SAMHD1: variants seen among roughly 807,000 people sequenced by gnomAD.
SAMHD1 encodes deoxynucleoside triphosphate triphosphohydrolase SAMHD1.
In SAMHD1, 54 loss-of-function variants were observed where a neutral mutation model predicts 79.6. The ratio of observed to expected loss-of-function variants is 0.68; its 90% CI spans 0.55 to 0.85. The LOEUF (loss-of-function observed/expected upper bound fraction) is 0.85, where lower values mean the gene tolerates loss of function less well. Among genes scored for constraint, SAMHD1 ranks in the 40% least tolerant of loss-of-function variants. The pLI is 0.00. For synonymous variants in SAMHD1, 260 were observed against 264.1 expected, an observed-to-expected ratio of 0.98 and a Z score of 0.15; for missense variants, 663 against 782.7, an observed-to-expected ratio of 0.85 and a Z score of 1.82.
intron 1 of SAMHD1, among the ~76,000 whole-genome samples, chr20:36,949,035 C>T (rs1019208732): frequency 6.6e-6 from 1 of 151,198 alleles, no homozygotes; most frequent in African/African-American, 2.4e-5. Flanking sequence ...GAGGCAGAGG[C>T]GGATGCATCA....
intron 15 of SAMHD1, chr20:36,893,349 A>ACCT: frequency 2.0e-6 from 1 of 489,914 alleles, no homozygotes; most frequent in East Asian, 3.8e-5. Context: ...TCCTTCACAC[A>ACCT]CCTTCACGGA....
At position 36,892,215 on chromosome 20, in the gene SAMHD1, C is replaced by G. The variant is rs1990092783; in HGVS notation, c.*717G>C. ...CCCCAAAACCTAATCAGGCCTCTCA[C>G]CAGCGTGTTGGAGGCCACTCCTGGC... On this transcript the variant is annotated 3_prime_UTR_variant, in exon 16 of 16. Coordinates refer to ENST00000646673, the MANE Select transcript of SAMHD1 (RefSeq NM_015474.4). The G allele has an allele frequency of 1.3e-5, 2 of 153,210 alleles. No homozygotes were observed. Among genetic ancestry groups the G allele is most frequent in the Admixed American group, 6.5e-5 (1 of 15,352 alleles). 9.5% of individuals were successfully genotyped at this position (153,210 alleles called of 1,614,324 possible).
At position 36,892,864 on chromosome 20, in the gene SAMHD1, T is replaced by G; in HGVS notation, c.*68A>C. 1 of 1,592,078 alleles carries G rather than the reference T, an allele frequency of 6.3e-7. No homozygotes were observed. Among genetic ancestry groups the G allele is most frequent in the Non-Finnish European group, 8.6e-7 (1 of 1,159,944 alleles). ...CATGAGTTGTCATTAATTTGCAGAA[T>G]TCTATGATTGAAGCCTCTAAATGAA... On this transcript the variant is annotated 3_prime_UTR_variant, in exon 16 of 16. Transcript: ENST00000646673.
chr20:36,905,917 G>A (rs956868586), intron 11 of SAMHD1, among the ~76,000 whole-genome samples: 3 of 151,726 alleles, frequency 2.0e-5, no homozygotes, highest in Non-Finnish European at 2.9e-5. Context: ...AGGTTACGGT[G>A]AGCCAAGATT....
At chr20:36,912,701 A>G (rs2063448449) in intron 9 of SAMHD1, 149 bp from the exon 10 acceptor site, 1 of 615,494 alleles carries the variant, frequency 1.6e-6, no homozygotes, top group African/African-American at 1.8e-5. Flanking sequence ...TGACCCCACT[A>G]AAAAATGAGG....
intron 7 of SAMHD1, 55 bp from the exon 8 acceptor site, chr20:36,917,104 T>C: frequency 8.7e-7 from 1 of 1,154,228 alleles, no homozygotes; most frequent in South Asian, 1.2e-5. Context: ...AATCTATTTA[T>C]AAACAAAGCA....
At chr20:36,930,597 T>C (rs1430064361) in intron 5 of SAMHD1, among the ~76,000 whole-genome samples, 163 bp downstream of exon 5, 1 of 152,184 alleles carries the variant, frequency 6.6e-6, no homozygotes, top group Non-Finnish European at 1.5e-5. Context: ...TTTCTACTTA[T>C]GAATCATTCT....
At chr20:36,940,834 G>A (rs1463878632) in intron 3 of SAMHD1, 2 of 597,918 alleles carry the variant, frequency 3.3e-6, no homozygotes, top group African/African-American at 1.9e-5. Context: ...ATGCTTTTCT[G>A]TATGCTTAAA....
chr20:36,897,217 G>A (rs1377745237), intron 15 of SAMHD1, among the ~76,000 whole-genome samples: 2 of 152,216 alleles, frequency 1.3e-5, no homozygotes, highest in African/African-American at 4.8e-5. Flanking sequence ...AGACTAGGCA[G>A]TAAAGCACTG....
intron 11 of SAMHD1, among the ~76,000 whole-genome samples, chr20:36,909,738 T>A (rs1262534062): frequency 6.6e-6 from 1 of 151,402 alleles, no homozygotes; most frequent in Non-Finnish European, 1.5e-5. Context: ...TCTTTCCTCC[T>A]TTCCACACTA....
intron 11 of SAMHD1, among the ~76,000 whole-genome samples, chr20:36,907,038 C>T (rs913163303): frequency 3.1e-4 from 47 of 151,686 alleles, no homozygotes; most frequent in African/African-American, 1.1e-3. Context: ...GTGATCCACC[C>T]GCCTCAGCCT....
chr20:36,895,307 T>C (rs567692824), intron 15 of SAMHD1, among the ~76,000 whole-genome samples: 53 of 151,850 alleles, frequency 3.5e-4, no homozygotes, highest in Non-Finnish European at 6.5e-4. Flanking sequence ...TGCCAGCCCT[T>C]AACCCAGACA....
intron 11 of SAMHD1, among the ~76,000 whole-genome samples, chr20:36,906,116 A>T (rs1334726942): frequency 6.6e-6 from 1 of 152,166 alleles, no homozygotes; most frequent in Non-Finnish European, 1.5e-5. Context: ...GTATGGATTT[A>T]TTGTTGACAT....
chr20:36,904,999 T>G (rs2063397097), intron 12 of SAMHD1: 1 of 289,318 alleles, frequency 3.5e-6, no homozygotes, highest in East Asian at 8.4e-5. Context: ...ACAGCCTCAA[T>G]GAAGCTCATG....
chr20:36,900,146 AGAG>A (rs1990275678), intron 13 of SAMHD1, among the ~76,000 whole-genome samples: 1 of 152,258 alleles, frequency 6.6e-6, no homozygotes, highest in South Asian at 2.1e-4. Context: ...TTGGCTGTTC[AGAG>A]GAGGCAAGAT....
At chr20:36,905,897 C>T (rs1023636873) in intron 11 of SAMHD1, among the ~76,000 whole-genome samples, 5 of 151,568 alleles carry the variant, frequency 3.3e-5, no homozygotes, top group Non-Finnish European at 5.9e-5. Flanking sequence ...TGCTTGACCC[C>T]GGAAAGTGGA....
chr20:36,935,122 G>A lies in SAMHD1; in HGVS notation c.416C>T (p.Pro139Leu), dbSNP rs762586258. ...HPLLVRIIDT[P>L]QFQRLRYIKQ... ...GATGTATCGAAGACGTTGAAATTGA[G>A]GTGTATCAATGATTCGGACGAGGAG... Residue 139 changes from proline to leucine, a missense_variant, in exon 4 of 16, where the codon CCT (proline) becomes CTT (leucine). By Grantham distance (98) the Pro-to-Leu change is moderately conservative. Transcript: ENST00000646673. The A allele has an allele frequency of 6.2e-7, 1 of 1,613,708 alleles. No homozygotes were observed. Among genetic ancestry groups the A allele is most frequent in the South Asian group, 1.1e-5 (1 of 91,082 alleles).
chr20:36,939,170 C>T (rs1310044028), intron 3 of SAMHD1, among the ~76,000 whole-genome samples: 1 of 131,078 alleles, frequency 7.6e-6, no homozygotes, highest in Non-Finnish European at 1.6e-5. Flanking sequence ...AGGAGAACTG[C>T]TTGAATCTGG....
At chr20:36,933,750 C>A (rs1008107270) in intron 4 of SAMHD1, among the ~76,000 whole-genome samples, 1 of 152,126 alleles carries the variant, frequency 6.6e-6, no homozygotes. Flanking sequence ...CCCGGCCTCC[C>A]AAAGTGCTGA....
Sources: allele counts gnomAD v4.1 joint callset (sites outside exome capture counted in the v4.1 genomes callset), GRCh38; gene constraint gnomAD v4.1.1; transcripts MANE v1.5; gene names NCBI Gene and HGNC (gene_info 2026-07-23, HGNC 2026-07-21).